The following BACH2 variants were observed in gnomAD, a reference collection of about 807,000 sequenced individuals.
BACH2 encodes the protein transcription regulator protein BACH2.
Under a neutral mutation model 61.8 loss-of-function variants are expected in BACH2, and 5 were observed. The observed-to-expected ratio is 0.08, with a 90% CI of 0.04 to 0.17. The LOEUF is 0.17. BACH2 is among the 10% of genes least tolerant of loss of function. BACH2 has a pLI of 1.00. For synonymous variants in BACH2, 446 were observed against 440.1 expected (o/e 1.01, Z -0.17); for missense variants, 824 against 1,091.1 (o/e 0.76, Z 3.45).
At chr6:90,076,718 G>A (rs1211956493) in intron 5 of BACH2, among the ~76,000 whole-genome samples, 3 of 152,040 alleles carry the variant, frequency 2.0e-5, no homozygotes, top group Non-Finnish European at 2.9e-5. Flanking sequence ...ATACTCCACC[G>A]TGTCGTGGCC....
chr6:90,094,046 T>C (rs1167038054), intron 4 of BACH2, among the ~76,000 whole-genome samples: 1 of 152,256 alleles, frequency 6.6e-6, no homozygotes, highest in African/African-American at 2.4e-5. Flanking sequence ...AAATTATCTG[T>C]AGGTAACTAC....
At chr6:89,941,221 C>T (rs562038177) in intron 7 of BACH2, among the ~76,000 whole-genome samples, 33 of 152,258 alleles carry the variant, frequency 2.2e-4, no homozygotes, top group Non-Finnish European at 3.5e-4. Flanking sequence ...TCCCGGCTGC[C>T]GGCATGTGTG....
chr6:90,130,106 T>G (rs1784029415), intron 4 of BACH2, among the ~76,000 whole-genome samples: 1 of 152,114 alleles, frequency 6.6e-6, no homozygotes, highest in Admixed American at 6.5e-5. Flanking sequence ...CCTGACCTCA[T>G]GTGATCTGCC....
intron 8 of BACH2, among the ~76,000 whole-genome samples, chr6:89,933,672 G>C (rs368938940): frequency 6.6e-6 from 1 of 152,132 alleles, no homozygotes; most frequent in South Asian, 2.1e-4. Context: ...GTTTTGCTGT[G>C]AACCTAAAAC....
intron 2 of BACH2, among the ~76,000 whole-genome samples, chr6:90,266,958 A>G (rs189299000): frequency 1.1e-3 from 164 of 152,306 alleles, no homozygotes; most frequent in African/African-American, 3.7e-3. Context: ...TCTTTGAGCA[A>G]TCTTGAATAA....
At chr6:89,954,571 C>T (rs1460318071) in intron 6 of BACH2, among the ~76,000 whole-genome samples, 1 of 149,760 alleles carries the variant, frequency 6.7e-6, no homozygotes, top group Non-Finnish European at 1.5e-5. Flanking sequence ...CTATCTTCCA[C>T]TGTGGCCTCT....
chr6:90,130,938 A>G (rs1027725767), intron 4 of BACH2, among the ~76,000 whole-genome samples: 1 of 152,236 alleles, frequency 6.6e-6, no homozygotes, highest in African/African-American at 2.4e-5. Context: ...GTTTGTGAGA[A>G]CTGAATAAGG....
chr6:89,990,812 A>G (rs79632797), intron 6 of BACH2, among the ~76,000 whole-genome samples: 3,745 of 152,288 alleles, frequency 0.025, 103 homozygotes, highest in East Asian at 0.12. Context: ...ACTGTCTGTC[A>G]TCCCTAATTG....
chr6:89,997,195 C>T (rs192040344), intron 6 of BACH2, among the ~76,000 whole-genome samples: 1 of 152,288 alleles, frequency 6.6e-6, no homozygotes, highest in Non-Finnish European at 1.5e-5. Flanking sequence ...TCAACATCTA[C>T]TAAAGCAGCC....
At chr6:90,208,275 C>T (rs191558549) in intron 3 of BACH2, among the ~76,000 whole-genome samples, 1 of 152,170 alleles carries the variant, frequency 6.6e-6, no homozygotes, top group African/African-American at 2.4e-5. Context: ...AGGCAACCTA[C>T]AGATGGGAGA....
In BACH2 at chr6:90,008,265, GAC is replaced by G. The variant is rs2127780530; in HGVS notation, c.243+335_243+336del. On this transcript the variant is annotated intron_variant, in intron 6 of 8. Transcript: ENST00000257749. The surrounding 1 kb of genome is among the most constrained non-coding windows in gnomAD (Gnocchi z 4.1). ...CTAGTGATCCTTACACCATCTGAAA[GAC>G]AGAAATCATAGCAATGATTCAGATC... The G allele has an allele frequency of 3.1e-6, 1 of 325,212 alleles. No homozygotes were observed. Among genetic ancestry groups the G allele is most frequent in the East Asian group, 6.6e-5 (1 of 15,184 alleles). 20.1% of individuals were successfully genotyped at this position (325,212 alleles called of 1,614,324 possible). A position where few individuals can be genotyped will look rare whatever the true frequency, so the allele number is the denominator to read the frequency against.
At chr6:90,046,018 T>C (rs1779761330) in intron 5 of BACH2, among the ~76,000 whole-genome samples, 1 of 151,860 alleles carries the variant, frequency 6.6e-6, no homozygotes, top group South Asian at 2.1e-4. Context: ...GATATTCCTC[T>C]GTATCTCTGT....
chr6:90,078,382 G>T (rs965978844), intron 5 of BACH2, among the ~76,000 whole-genome samples: 2 of 152,010 alleles, frequency 1.3e-5, no homozygotes, highest in Non-Finnish European at 2.9e-5. Context: ...ATCTTAAAAG[G>T]AAAGAGAGGC....
At chr6:90,139,390 G>C (rs1784387575) in intron 4 of BACH2, among the ~76,000 whole-genome samples, 1 of 152,186 alleles carries the variant, frequency 6.6e-6, no homozygotes, top group Non-Finnish European at 1.5e-5. Flanking sequence ...AAAAGTGAGG[G>C]AGAAGGTGGG....
At chr6:89,977,764 GA>G (rs140327503) in intron 6 of BACH2, among the ~76,000 whole-genome samples, 15,221 of 152,198 alleles carry the variant, frequency 0.1, 921 homozygotes, top group Middle Eastern at 0.14. Flanking sequence ...CAAGGCGGTT[GA>G]AAAAAATTAC....
intron 4 of BACH2, among the ~76,000 whole-genome samples, chr6:90,179,286 C>T (rs1441889340): frequency 2.0e-5 from 3 of 151,896 alleles, no homozygotes; most frequent in South Asian, 2.1e-4. Context: ...ATTTTAATGA[C>T]GAAACAAGTA....
chr6:90,153,350 A>G (rs576297679), intron 4 of BACH2, among the ~76,000 whole-genome samples: 1 of 152,288 alleles, frequency 6.6e-6, no homozygotes, highest in South Asian at 2.1e-4. Context: ...CTTTTCCTAA[A>G]TAAGAGTAAT....
At chr6:90,254,538 T>C (rs1466687921) in intron 2 of BACH2, among the ~76,000 whole-genome samples, 1 of 152,050 alleles carries the variant, frequency 6.6e-6, no homozygotes, top group African/African-American at 2.4e-5. Flanking sequence ...CTCTACCTGT[T>C]TGAATCACAC....
At chr6:90,020,497 G>A (rs1778313915) in intron 5 of BACH2, among the ~76,000 whole-genome samples, 1 of 151,962 alleles carries the variant, frequency 6.6e-6, no homozygotes, top group Non-Finnish European at 1.5e-5. Flanking sequence ...TGCCACCTTG[G>A]GATTCTGCAG....
Sources: allele counts gnomAD v4.1 joint callset (sites outside exome capture counted in the v4.1 genomes callset), GRCh38; gene constraint gnomAD v4.1.1; non-coding constraint Gnocchi (gnomAD v3.1); transcripts MANE v1.5; gene names NCBI Gene and HGNC (gene_info 2026-07-23, HGNC 2026-07-21).